Variants in ETF1 observed in about 807,000 individuals in gnomAD.
The protein encoded by ETF1 is eukaryotic peptide chain release factor subunit 1.
A neutral mutation model predicts 55.1 loss-of-function variants in ETF1; 4 were observed. The ratio of observed to expected loss-of-function variants is 0.07; its 90% confidence interval spans 0.04 to 0.17. ETF1 has a LOEUF of 0.17. Ranked by LOEUF, ETF1 falls within the 10% of genes least tolerant of loss-of-function variation. The pLI is 1.00. For synonymous variants in ETF1, 157 were observed against 182.3 expected (o/e 0.86, Z 1.12); for missense variants, 142 against 523.6 (o/e 0.27, Z 7.11).
chr5:138,517,737 A>G (rs377575551), intron 3 of ETF1, 37 bp from the exon 4 acceptor site: 5 of 1,391,042 alleles, frequency 3.6e-6, no homozygotes, highest in African/African-American at 2.9e-5. Flanking sequence ...ACTTTACCCC[A>G]TATCTAGTTT....
intron 2 of ETF1, among the ~76,000 whole-genome samples, chr5:138,523,312 A>G (rs1319804314): frequency 6.6e-6 from 1 of 152,138 alleles, no homozygotes; most frequent in Non-Finnish European, 1.5e-5. Flanking sequence ...GGTTGCAATG[A>G]GCCGAGATAG....
chr5:138,512,001 C>T (rs1163459102), intron 6 of ETF1: 1 of 467,158 alleles, frequency 2.1e-6, no homozygotes, highest in African/African-American at 2.1e-5. Flanking sequence ...AATTCTGAGA[C>T]CAGCCTAGGC....
intron 10 of ETF1, 65 bp downstream of exon 10, chr5:138,508,604 C>A: frequency 6.3e-7 from 1 of 1,599,370 alleles, no homozygotes; most frequent in South Asian, 1.1e-5. Flanking sequence ...AGGGCTAGGG[C>A]TAGCCAGGAG....
At chr5:138,526,305 G>T (rs1222776509) in intron 2 of ETF1, among the ~76,000 whole-genome samples, 1 of 152,124 alleles carries the variant, frequency 6.6e-6, no homozygotes, top group African/African-American at 2.4e-5. Flanking sequence ...TGAGGGGAAC[G>T]AAAATAAACC....
chr5:138,521,425 G>C (rs565830992), intron 2 of ETF1, among the ~76,000 whole-genome samples: 3 of 152,130 alleles, frequency 2.0e-5, no homozygotes. Context: ...TAATACTGCT[G>C]AACTATACAC....
rs1248649162 is a variant in ETF1, at chr5:138,513,146, A to G, written c.542-192T>C. ...ACTACTAAGTCTATGTCAAGAGAGGAGCTGTAAGTACCAATGAGGCACCAG... is the reference window on the plus strand; with the variant it reads ...ACTACTAAGTCTATGTCAAGAGAGGGGCTGTAAGTACCAATGAGGCACCAG... On this transcript the variant is annotated intron_variant, in intron 5 of 10. Transcript: ENST00000360541. 5.1e-6 allele frequency: 5 copies of G among 985,192 alleles called. No homozygotes were observed. In the Admixed American group the frequency reaches 3.1e-4, roughly 61 times the overall value. 61.0% of individuals were successfully genotyped at this position (985,192 alleles called of 1,614,324 possible). A position where few individuals can be genotyped will look rare whatever the true frequency, so the allele number is the denominator to read the frequency against.
chr5:138,511,954 T>C (rs544908584), intron 6 of ETF1: 15 of 922,240 alleles, frequency 1.6e-5, no homozygotes, highest in East Asian at 1.2e-4. Flanking sequence ...TCCCAGCACT[T>C]TGGGAAGCTA....
intron 2 of ETF1, chr5:138,541,392 A>T: frequency 1.6e-6 from 1 of 644,238 alleles, no homozygotes. Flanking sequence ...ATATTAAACT[A>T]ACGTTTCTCC....
intron 2 of ETF1, chr5:138,529,764 T>A (rs569424724): frequency 2.1e-6 from 2 of 965,030 alleles, no homozygotes; most frequent in African/African-American, 3.5e-5. Flanking sequence ...GAAAGATAAT[T>A]TTTTTAGAGA....
chr5:138,512,649 G>T, intron 6 of ETF1, 115 bp downstream of exon 6: 2 of 871,946 alleles, frequency 2.3e-6, no homozygotes, highest in East Asian at 3.2e-5. Flanking sequence ...TAACTCAGAG[G>T]CAAGTTTTTA....
At position 138,542,661 on chromosome 5, in the gene ETF1, G is replaced by C. The variant is rs113614192; in HGVS notation, c.86+172C>G. On this transcript the variant is annotated intron_variant, in intron 2 of 10. Transcript: ENST00000360541. The stretch of plus-strand genomic sequence containing the variant: ...CCATGCGGGGAAAGGACCCCTTCTC[G>C]GGCCAACCGCGCCGACCCTCGCCCC... The C allele has an allele frequency of 1.3e-5, 19 of 1,434,108 alleles. No individual in the cohort carries two copies. The African/African-American group carries it at 1.7e-4, about 13-fold the overall frequency. The allele number at this position is 1,434,108 out of a possible 1,614,324, so 88.8% of individuals were successfully genotyped here.
intron 2 of ETF1, among the ~76,000 whole-genome samples, chr5:138,520,820 A>AAAGG (rs890993880): frequency 6.6e-6 from 1 of 152,202 alleles, no homozygotes; most frequent in African/African-American, 2.4e-5. Context: ...CTGTCTCAAA[A>AAAGG]AAGGAAGGAA....
At chr5:138,519,471 G>A (rs1275002000) in intron 2 of ETF1, among the ~76,000 whole-genome samples, 3 of 151,744 alleles carry the variant, frequency 2.0e-5, no homozygotes, top group African/African-American at 7.3e-5. Context: ...AGGCAAGCCT[G>A]GCCAACAGAG....
Position 138,543,135 on chromosome 5 carries a change from CCGGCGGCGGCTCCG to C in ETF1, c.-71_-58del, listed in dbSNP as rs1214023025. ...CCTGGGCGGCAGCGGCTGCTCCTCC[CCGGCGGCGGCTCCG>C]CGGCGGCGGCGGCTCTGACGTAGGA... On this transcript the variant is annotated 5_prime_UTR_variant, in exon 1 of 11. The change abolishes the stop of an existing upstream ORF in the 5' untranslated region. Transcript: ENST00000360541. The C allele has an allele frequency of 6.0e-5, 35 of 581,796 alleles. No homozygotes were observed. Among genetic ancestry groups the C allele is most frequent in the South Asian group, 1.8e-4 (8 of 45,350 alleles). The allele number at this position is 581,796 out of a possible 1,614,324, so 36.0% of individuals were successfully genotyped here.
At position 138,512,698 on chromosome 5, in the gene ETF1, T is replaced by G; in HGVS notation, c.732+66A>C. ...TAAAAAGATGTGTCTGTTCCAGTGC[T>G]CACACAGAGGACTCACCTACTCCTA... On this transcript the variant is annotated intron_variant, in intron 6 of 10. Coordinates refer to ENST00000360541, the MANE Select transcript of ETF1 (RefSeq NM_004730.4). 3 of 1,402,330 alleles carry G rather than the reference T, an allele frequency of 2.1e-6. No homozygotes were observed. The South Asian group carries it at 4.3e-5, about 20-fold the overall frequency. The allele number at this position is 1,402,330 out of a possible 1,614,324, so 86.9% of individuals were successfully genotyped here. A position where few individuals can be genotyped will look rare whatever the true frequency, so the allele number is the denominator to read the frequency against.
chr5:138,541,231 G>C (rs154069), intron 2 of ETF1, among the ~76,000 whole-genome samples: 1 of 151,980 alleles, frequency 6.6e-6, no homozygotes, highest in Non-Finnish European at 1.5e-5. Context: ...CGTGACCTAT[G>C]TTACCCTTTC....
At chr5:138,537,150 G>A (rs1012449045) in intron 2 of ETF1, among the ~76,000 whole-genome samples, 2 of 152,136 alleles carry the variant, frequency 1.3e-5, no homozygotes, top group African/African-American at 4.8e-5. Context: ...TACATACTTG[G>A]AGGAAACTAA....
At chr5:138,525,847 G>A (rs910982911) in intron 2 of ETF1, among the ~76,000 whole-genome samples, 8 of 151,322 alleles carry the variant, frequency 5.3e-5, no homozygotes, top group African/African-American at 1.9e-4. Context: ...TTTGAAGGCT[G>A]AGGCAGGAGA....
At position 138,518,744 on chromosome 5, in the gene ETF1, T is replaced by A; in HGVS notation, c.210A>T (p.Ser70=). ...GTACAGATGTAATGGCTCCCAGGAC[T>A]GAAAGGCGGTTTACTCGTGACTTAA... ...SNIKSRVNRL[S]VLGAITSVQQ... The change falls in exon 3 of 11, where the codon TCA becomes TCT. Residue 70 remains serine (S), a synonymous_variant. Coordinates refer to ENST00000360541, the MANE Select transcript of ETF1 (RefSeq NM_004730.4). 6.2e-7 allele frequency: 1 copy of A among 1,613,712 alleles called. No homozygotes were observed. The highest frequency in any genetic ancestry group is 1.7e-5 in the Admixed American group (1 of 60,016).
Sources: gnomAD v4.1 joint callset for allele counts (sites outside exome capture counted in the v4.1 genomes callset) on GRCh38, gnomAD v4.1.1 for gene constraint, MANE v1.5 for transcripts, NCBI Gene and HGNC (gene_info 2026-07-23, HGNC 2026-07-21) for gene names.